Variants in POC1A observed in about 807,000 individuals in gnomAD.
POC1A encodes POC1 centriolar protein A.
POC1A carries 34 observed loss-of-function variants against 47.8 expected under a neutral mutation model. The observed-to-expected ratio is 0.71, with a 90% CI of 0.54 to 0.95. The LOEUF is 0.95. Among genes scored for constraint, POC1A ranks in the 40% least tolerant of loss-of-function variants. The probability of loss-of-function intolerance (pLI) is 0.00; values close to 1 mark genes in which losing one functional copy is unlikely to be tolerated. For missense variants in POC1A, 466 were observed against 528.3 expected (o/e 0.88, Z 1.16); for synonymous variants, 177 against 207.6 (o/e 0.85, Z 1.27).
intron 9 of POC1A, among the ~76,000 whole-genome samples, chr3:52,122,087 C>A (rs772148324): frequency 2.0e-5 from 3 of 152,190 alleles, no homozygotes; most frequent in African/African-American, 4.8e-5. Flanking sequence ...CTCCTAAGGC[C>A]TCAATCAAAC....
intron 10 of POC1A, among the ~76,000 whole-genome samples, chr3:52,082,620 G>A (rs900071078): frequency 3.3e-5 from 5 of 152,168 alleles, no homozygotes; most frequent in Admixed American, 1.3e-4. Flanking sequence ...TTCAGAGGGC[G>A]AGTGTGCCTT....
At position 52,079,400 on chromosome 3, in the gene POC1A, G is replaced by A. The variant is rs548098298; in HGVS notation, c.1126-3415C>T. Among the ~76,000 whole-genome samples, 3 of 152,382 alleles carry A rather than the reference G, an allele frequency of 2.0e-5. No homozygotes were observed. The highest frequency in any genetic ancestry group is 7.2e-5 in the African/African-American group (3 of 41,602). On this transcript the variant is annotated intron_variant, in intron 10 of 10. Coordinates refer to ENST00000296484, the MANE Select transcript of POC1A (RefSeq NM_015426.5). The surrounding 1 kb of genome is among the most constrained non-coding windows in gnomAD (Gnocchi z 4.6). ...CCAGGCTGGAGACAAGGCCACACCT[G>A]CCCTGGAGGGTGAGGAGGAGCGCTC... is the stretch of plus-strand genomic sequence containing the variant.
At chr3:52,149,017 A>G (rs1358960625) in intron 4 of POC1A, among the ~76,000 whole-genome samples, 193 bp downstream of exon 4, 1 of 152,212 alleles carries the variant, frequency 6.6e-6, no homozygotes, top group Admixed American at 6.5e-5. Flanking sequence ...CATCAGCTCC[A>G]TGAAGCTTCT....
intron 10 of POC1A, among the ~76,000 whole-genome samples, chr3:52,077,853 G>C (rs1291335085): frequency 6.6e-6 from 1 of 152,018 alleles, no homozygotes; most frequent in Non-Finnish European, 1.5e-5. Context: ...GAGATAGTGG[G>C]CCCAGAAAAC....
At position 52,084,817 on chromosome 3, in the gene POC1A, G is replaced by A. The variant is rs899722328; in HGVS notation, c.1126-8832C>T. On this transcript the variant is annotated intron_variant, in intron 10 of 10. Transcript: ENST00000296484. This position sits in a 1 kb window ranked among gnomAD's most constrained non-coding sequence, Gnocchi z 4.3. ...GAGTGGTACTGGTTCTTATGGGAGC[G>A]TCCTCTGAGCTGGAAGACAGGTGGC... Among the ~76,000 whole-genome samples, 36 of 152,218 alleles carry A rather than the reference G, an allele frequency of 2.4e-4. No homozygotes were observed. Among genetic ancestry groups the A allele is most frequent in the African/African-American group, 7.7e-4 (32 of 41,450 alleles).
intron 9 of POC1A, among the ~76,000 whole-genome samples, chr3:52,121,487 G>A (rs1364873551): frequency 1.3e-5 from 2 of 152,206 alleles, no homozygotes; most frequent in African/African-American, 4.8e-5. Context: ...GACACAAAAC[G>A]GGGGCATGTG....
chr3:52,138,494 G>A (rs1234630347), intron 6 of POC1A, among the ~76,000 whole-genome samples, 192 bp from the exon 7 acceptor site: 1 of 152,180 alleles, frequency 6.6e-6, no homozygotes, highest in Non-Finnish European at 1.5e-5. Context: ...CGAAGAACAG[G>A]AAAAGGCCTG....
intron 6 of POC1A, among the ~76,000 whole-genome samples, chr3:52,140,836 C>T (rs970318387): frequency 1.7e-4 from 26 of 149,162 alleles, no homozygotes; most frequent in African/African-American, 6.3e-4. Flanking sequence ...ATGGAGGCCT[C>T]ATCGTAAGAA....
rs201436935 is a variant in POC1A, at chr3:52,151,089, C to T, written c.30G>A (p.Ser10=). Residue 10 remains serine, a synonymous_variant, in exon 2 of 11, where the codon TCG becomes TCA. Coordinates refer to ENST00000296484, the MANE Select transcript of POC1A (RefSeq NM_015426.5). ...GGTGGCCCTTAAAATGCCTTTCCAG[C>T]GAGGGGTCCTCCTGAGAGAGAGCCA... The part of the protein sequence containing the change: MAAPCAEDP[S]LERHFKGHRD... The T allele has an allele frequency of 4.6e-5, 75 of 1,613,416 alleles. No homozygotes were observed. Among genetic ancestry groups the T allele is most frequent in the Non-Finnish European group, 5.6e-5 (66 of 1,179,714 alleles).
intron 10 of POC1A, among the ~76,000 whole-genome samples, chr3:52,077,545 C>T (rs1702156030): frequency 6.6e-6 from 1 of 152,190 alleles, no homozygotes; most frequent in Non-Finnish European, 1.5e-5. Context: ...CAAACTGCAC[C>T]CTAAGAGGCA....
intron 9 of POC1A, among the ~76,000 whole-genome samples, chr3:52,103,201 T>G (rs1457750695): frequency 1.3e-5 from 2 of 152,206 alleles, no homozygotes; most frequent in East Asian, 3.8e-4. Flanking sequence ...CAGAAACTAA[T>G]TCAAAATGGA....
chr3:52,120,641 C>T (rs1288509247), intron 9 of POC1A, among the ~76,000 whole-genome samples: 1 of 152,336 alleles, frequency 6.6e-6, no homozygotes, highest in African/African-American at 2.4e-5. Flanking sequence ...GGACCCACAT[C>T]CTTTCCCCTA....
chr3:52,115,026 G>T (rs1408592218), intron 9 of POC1A, among the ~76,000 whole-genome samples: 1 of 152,234 alleles, frequency 6.6e-6, no homozygotes, highest in Non-Finnish European at 1.5e-5. Flanking sequence ...AAGGGCACGG[G>T]CAGCTTGAGG....
intron 1 of POC1A, among the ~76,000 whole-genome samples, chr3:52,151,396 C>T (rs1411575455): frequency 6.6e-6 from 1 of 152,108 alleles, no homozygotes; most frequent in Non-Finnish European, 1.5e-5. Context: ...TTTCTGTACA[C>T]TAGCAATGAA....
intron 7 of POC1A, among the ~76,000 whole-genome samples, chr3:52,128,348 C>T (rs769781312): frequency 2.6e-5 from 4 of 152,194 alleles, no homozygotes; most frequent in Non-Finnish European, 5.9e-5. Flanking sequence ...AGGACCAGAG[C>T]GCAGGCACTG....
At chr3:52,144,147 C>T (rs189155277) in intron 6 of POC1A, among the ~76,000 whole-genome samples, 1 of 152,340 alleles carries the variant, frequency 6.6e-6, no homozygotes, top group African/African-American at 2.4e-5. Flanking sequence ...AGCATGTGCT[C>T]CTGACCACTG....
intron 7 of POC1A, among the ~76,000 whole-genome samples, chr3:52,129,622 C>G (rs1399321589): frequency 6.6e-6 from 1 of 152,220 alleles, no homozygotes; most frequent in African/African-American, 2.4e-5. Context: ...GCCCTGGTCT[C>G]CCTCTGACTC....
chr3:52,093,654 G>A (rs1702715503), intron 10 of POC1A, among the ~76,000 whole-genome samples: 2 of 152,236 alleles, frequency 1.3e-5, no homozygotes, highest in Non-Finnish European at 2.9e-5. Context: ...CAAGGTCACT[G>A]AGCTAGGCAA....
At chr3:52,144,577 C>T (rs575060691) in intron 6 of POC1A, among the ~76,000 whole-genome samples, 1 of 152,196 alleles carries the variant, frequency 6.6e-6, no homozygotes, top group Admixed American at 6.5e-5. Flanking sequence ...CCTCCTTCCC[C>T]CCATTTTGTG....
Sources: gnomAD v4.1 joint callset for allele counts (sites outside exome capture counted in the v4.1 genomes callset) on GRCh38, gnomAD v4.1.1 for gene constraint, Gnocchi (gnomAD v3.1) non-coding constraint, MANE v1.5 for transcripts, NCBI Gene and HGNC (gene_info 2026-07-23, HGNC 2026-07-21) for gene names.